PTPRD: variants seen among roughly 807,000 people sequenced by gnomAD.
The protein encoded by PTPRD is protein tyrosine phosphatase receptor type D, also known as receptor-type tyrosine-protein phosphatase delta.
Under a neutral mutation model 214.5 loss-of-function variants are expected in PTPRD, and 34 were observed. The observed-to-expected ratio is 0.16, with a 90% CI of 0.12 to 0.21. The LOEUF is 0.21. Among genes scored for constraint, PTPRD ranks in the 10% least tolerant of loss-of-function variants. The pLI, the probability that PTPRD is intolerant of heterozygous loss-of-function variation, is 1.00. For synonymous variants in PTPRD, 1,128 were observed against 845.7 expected, an observed-to-expected ratio of 1.33 and a Z score of -5.79; for missense variants, 2,545 against 2,398.7, an observed-to-expected ratio of 1.06 and a Z score of -1.27.
intron 10 of PTPRD, among the ~76,000 whole-genome samples, chr9:9,097,760 G>C (rs980710107): frequency 2.6e-5 from 4 of 152,072 alleles, no homozygotes; most frequent in African/African-American, 9.7e-5. Flanking sequence ...TGGGTCTCAT[G>C]TTTCTACAGA....
chr9:8,964,190 GTGTTTTTTT>G (rs1359449061), intron 11 of PTPRD, among the ~76,000 whole-genome samples: 7 of 52,950 alleles, frequency 1.3e-4, no homozygotes, highest in African/African-American at 3.6e-4. Context: ...GTTCAGGGCT[GTGTTTTTTT>G]TTTTTTTTTT....
At chr9:9,353,167 T>A (rs998902950) in intron 9 of PTPRD, among the ~76,000 whole-genome samples, 10 of 151,936 alleles carry the variant, frequency 6.6e-5, no homozygotes, top group Non-Finnish European at 1.5e-4. Context: ...ACTACCTATT[T>A]CATGTTGATA....
At chr9:9,144,402 T>A (rs143459658) in intron 10 of PTPRD, among the ~76,000 whole-genome samples, 140 of 152,326 alleles carry the variant, frequency 9.2e-4, no homozygotes, top group African/African-American at 3.1e-3. Context: ...TTTTTTTATG[T>A]CAACTGGAAA....
At chr9:9,391,895 A>G (rs897593313) in intron 9 of PTPRD, among the ~76,000 whole-genome samples, 1 of 152,168 alleles carries the variant, frequency 6.6e-6, no homozygotes, top group African/African-American at 2.4e-5. Flanking sequence ...TTTAAAGAAG[A>G]CTTTGGTTCA....
In PTPRD at chr9:9,424,830, G is replaced by C. The variant is rs185066226; in HGVS notation, c.-236-27348C>G. ...AGCAAAAATAAATCATTTAGAAAAC[G>C]ACAATTTAATATATGCATATATACT... On this transcript the variant is annotated intron_variant, in intron 8 of 45. Coordinates refer to ENST00000381196, the MANE Select transcript of PTPRD (RefSeq NM_002839.4). Among the ~76,000 whole-genome samples, 238 of 152,066 alleles carry C rather than the reference G, an allele frequency of 1.6e-3. 1 individual carries two copies. Among genetic ancestry groups the C allele is most frequent in the Middle Eastern group, 3.4e-3 (1 of 294 alleles).
At chr9:8,543,903 G>C (rs2079142552) in intron 14 of PTPRD, among the ~76,000 whole-genome samples, 1 of 151,850 alleles carries the variant, frequency 6.6e-6, no homozygotes, top group South Asian at 2.1e-4. Flanking sequence ...GTAGAGACGG[G>C]GTTTCACCAT....
intron 12 of PTPRD, among the ~76,000 whole-genome samples, chr9:8,685,477 G>T (rs184774503): frequency 6.6e-6 from 1 of 151,784 alleles, no homozygotes; most frequent in African/African-American, 2.4e-5. Context: ...GTGGGCAAAC[G>T]CTGCATGTAA....
chr9:9,629,726 G>A (rs1038845155), intron 7 of PTPRD, among the ~76,000 whole-genome samples: 1 of 152,150 alleles, frequency 6.6e-6, no homozygotes. Flanking sequence ...AGAGGAAAAT[G>A]TCTTTTGGGG....
At chr9:8,791,732 C>G (rs1430855479) in intron 11 of PTPRD, among the ~76,000 whole-genome samples, 3 of 151,822 alleles carry the variant, frequency 2.0e-5, no homozygotes, top group Non-Finnish European at 4.4e-5. Flanking sequence ...CGTGAGATGA[C>G]TGAGGATGCT....
Position 8,600,957 on chromosome 9 carries a change from G to A in PTPRD, c.352+32360C>T, listed in dbSNP as rs148548569. On this transcript the variant is annotated intron_variant, in intron 14 of 45. Coordinates refer to ENST00000381196, the MANE Select transcript of PTPRD (RefSeq NM_002839.4). ...CCATAGTGGGGTAAAGCACCAGGCA[G>A]GCTCTCCGGGTCCCCAGCATCCTGG... Among the ~76,000 whole-genome samples, 236 of 152,184 alleles carry A rather than the reference G, an allele frequency of 1.6e-3. No individual in the cohort carries two copies. In the Middle Eastern group the frequency reaches 0.024, roughly 15 times the overall value.
At chr9:10,558,467 A>T (rs1317695773) in intron 2 of PTPRD, among the ~76,000 whole-genome samples, 1 of 152,062 alleles carries the variant, frequency 6.6e-6, no homozygotes, top group Non-Finnish European at 1.5e-5. Context: ...ACATTTCATC[A>T]TGTTGTCTGA....
rs965449442 is a variant in PTPRD at position 9,965,990 on chromosome 9, C to T, written c.-471-27380G>A. Among the ~76,000 whole-genome samples the T allele has an allele frequency of 3.3e-5, 5 of 152,148 alleles. No individual in the cohort carries two copies. The East Asian group carries it at 5.8e-4, about 18-fold the overall frequency. On this transcript the variant is annotated intron_variant, in intron 4 of 45. Transcript: ENST00000381196. ...TTGCTTTTGAGTATATTGCTAAAAG[C>T]AAGCACAAAAAGTCAGGTTTTTATA...
chr9:9,486,380 T>A (rs1343528899), intron 8 of PTPRD, among the ~76,000 whole-genome samples: 1 of 152,050 alleles, frequency 6.6e-6, no homozygotes, highest in Non-Finnish European at 1.5e-5. Context: ...AGTATTCTTA[T>A]TGCTTCCAAT....
chr9:10,573,685 C>T (rs1403205400), intron 2 of PTPRD, among the ~76,000 whole-genome samples: 4 of 152,082 alleles, frequency 2.6e-5, no homozygotes, highest in Non-Finnish European at 5.9e-5. Context: ...TGGACTCTTT[C>T]CTGGCCCCTA....
intron 36 of PTPRD, among the ~76,000 whole-genome samples, chr9:8,392,974 G>C (rs1215252359): frequency 6.6e-6 from 1 of 152,138 alleles, no homozygotes; most frequent in Non-Finnish European, 1.5e-5. Context: ...ATGAGACTCT[G>C]GTTTTTAATG....
chr9:8,548,118 G>C (rs1187698826), intron 14 of PTPRD, among the ~76,000 whole-genome samples: 1 of 152,178 alleles, frequency 6.6e-6, no homozygotes, highest in Non-Finnish European at 1.5e-5. Flanking sequence ...AATTTTGATA[G>C]AAATGTAGTA....
chr9:9,451,306 C>T (rs2092107298), intron 8 of PTPRD, among the ~76,000 whole-genome samples: 1 of 151,718 alleles, frequency 6.6e-6, no homozygotes, highest in Admixed American at 6.6e-5. Context: ...TATAGGAAAA[C>T]ACTTCATCTG....
At chr9:10,473,295 C>T (rs1353348779) in intron 2 of PTPRD, among the ~76,000 whole-genome samples, 1 of 152,100 alleles carries the variant, frequency 6.6e-6, no homozygotes, top group Non-Finnish European at 1.5e-5. Context: ...AGAGACATCT[C>T]TCACATTCAC....
intron 27 of PTPRD, among the ~76,000 whole-genome samples, chr9:8,486,676 C>T (rs935145251): frequency 9.9e-5 from 15 of 152,212 alleles, no homozygotes; most frequent in Admixed American, 7.8e-4. Context: ...TTAATTTGAG[C>T]AAAGATCAGC....
Sources: gnomAD v4.1 joint callset for allele counts (sites outside exome capture counted in the v4.1 genomes callset) on GRCh38, gnomAD v4.1.1 for gene constraint, MANE v1.5 for transcripts, NCBI Gene and HGNC (gene_info 2026-07-23, HGNC 2026-07-21) for gene names.